The following FUT9 variants were observed in gnomAD, a reference collection of about 807,000 sequenced individuals.
FUT9 encodes the protein 4-galactosyl-N-acetylglucosaminide 3-alpha-L-fucosyltransferase 9.
A neutral mutation model predicts 29.7 loss-of-function variants in FUT9; 15 were observed. That is an observed-to-expected ratio of 0.51 (90% CI 0.34 to 0.78). FUT9 has a LOEUF of 0.78. FUT9 is among the 30% of genes least tolerant of loss of function. The pLI, the probability that FUT9 is intolerant of heterozygous loss-of-function variation, is 0.01. For synonymous variants in FUT9, 169 were observed against 153.7 expected (o/e 1.10, Z -0.74); for missense variants, 319 against 425.4 (o/e 0.75, Z 2.20).
intron 1 of FUT9, among the ~76,000 whole-genome samples, chr6:96,059,555 TGGATCA>T (rs1770836220): frequency 6.6e-6 from 1 of 152,212 alleles, no homozygotes; most frequent in South Asian, 2.1e-4. Flanking sequence ...GACAGAATCC[TGGATCA>T]GGAAAAATAA....
At chr6:96,051,447 T>A (rs1337973465) in intron 1 of FUT9, among the ~76,000 whole-genome samples, 3 of 151,884 alleles carry the variant, frequency 2.0e-5, no homozygotes, top group Non-Finnish European at 4.4e-5. Flanking sequence ...AGCCAAGAGT[T>A]CAAAACCAGC....
intron 2 of FUT9, among the ~76,000 whole-genome samples, chr6:96,189,313 A>G (rs1773462341): frequency 6.6e-6 from 1 of 152,056 alleles, no homozygotes; most frequent in Admixed American, 6.6e-5. Context: ...CTGGTGACAA[A>G]AGCTGTGTCC....
At chr6:96,097,809 T>A (rs749649337) in intron 1 of FUT9, among the ~76,000 whole-genome samples, 1 of 152,186 alleles carries the variant, frequency 6.6e-6, no homozygotes, top group South Asian at 2.1e-4. Context: ...ATTATGTGTC[T>A]GTGAATATAC....
intron 1 of FUT9, among the ~76,000 whole-genome samples, chr6:96,029,818 A>G (rs1411406180): frequency 6.6e-6 from 1 of 151,468 alleles, no homozygotes. Flanking sequence ...GACAATCTGC[A>G]TGAAAGGATG....
chr6:96,139,563 C>G (rs187196647), intron 2 of FUT9, among the ~76,000 whole-genome samples: 1 of 152,214 alleles, frequency 6.6e-6, no homozygotes, highest in African/African-American at 2.4e-5. Context: ...ATCATCCTAG[C>G]AGAGGCTCTC....
intron 2 of FUT9, among the ~76,000 whole-genome samples, chr6:96,170,659 A>G (rs1040442581): frequency 3.3e-5 from 5 of 152,136 alleles, no homozygotes; most frequent in African/African-American, 1.2e-4. Flanking sequence ...TTTTCCTATG[A>G]TATCTTCATA....
chr6:96,121,183 A>G (rs1772020865), intron 2 of FUT9, among the ~76,000 whole-genome samples: 1 of 152,174 alleles, frequency 6.6e-6, no homozygotes, highest in Non-Finnish European at 1.5e-5. Flanking sequence ...ATCAATGTCT[A>G]TGGAAGACTA....
chr6:96,022,874 A>G (rs1328563893), intron 1 of FUT9, among the ~76,000 whole-genome samples: 4 of 151,886 alleles, frequency 2.6e-5, no homozygotes, highest in Admixed American at 2.6e-4. Flanking sequence ...TGGTACGTGT[A>G]TATCCTGTAT....
chr6:96,043,120 C>G (rs1011576011), intron 1 of FUT9, among the ~76,000 whole-genome samples: 1 of 152,132 alleles, frequency 6.6e-6, no homozygotes, highest in Admixed American at 6.5e-5. Context: ...GGCGCGATCT[C>G]GGCTCACTGC....
chr6:96,030,142 A>G (rs1417766971), intron 1 of FUT9, among the ~76,000 whole-genome samples: 3 of 151,654 alleles, frequency 2.0e-5, no homozygotes, highest in Non-Finnish European at 4.4e-5. Context: ...ACAGTTTGAC[A>G]TAAATGATAA....
chr6:96,151,205 T>C (rs1357321198), intron 2 of FUT9, among the ~76,000 whole-genome samples: 1 of 152,216 alleles, frequency 6.6e-6, no homozygotes, highest in Non-Finnish European at 1.5e-5. Flanking sequence ...TGCTTGAGGC[T>C]TTAATTCTTT....
chr6:96,063,696 G>A (rs1316764347), intron 1 of FUT9, among the ~76,000 whole-genome samples: 2 of 152,116 alleles, frequency 1.3e-5, no homozygotes, highest in Admixed American at 6.6e-5. Flanking sequence ...AAGCATTGCA[G>A]GGTCATGGAT....
At chr6:96,048,687 A>C (rs1408524532) in intron 1 of FUT9, among the ~76,000 whole-genome samples, 1 of 152,198 alleles carries the variant, frequency 6.6e-6, no homozygotes, top group Non-Finnish European at 1.5e-5. Flanking sequence ...AGCGAAGAAA[A>C]GAGATCGGCA....
At chr6:96,076,731 GTTTTATGT>G (rs1195639240) in intron 1 of FUT9, among the ~76,000 whole-genome samples, 1 of 152,122 alleles carries the variant, frequency 6.6e-6, no homozygotes, top group Non-Finnish European at 1.5e-5. Flanking sequence ...TTGTAACACT[GTTTTATGT>G]TTGCAGTGTT....
chr6:96,162,911 T>C (rs2127980472), intron 2 of FUT9, among the ~76,000 whole-genome samples: 1 of 152,356 alleles, frequency 6.6e-6, no homozygotes, highest in African/African-American at 2.4e-5. Context: ...TGTTAGGGAA[T>C]GCCTTTCCTG....
chr6:96,081,324 AC>A, intron 1 of FUT9, among the ~76,000 whole-genome samples: 1 of 151,154 alleles, frequency 6.6e-6, no homozygotes, highest in Middle Eastern at 3.4e-3. Flanking sequence ...ACAAACACAC[AC>A]CCTTCTTGGA....
intron 2 of FUT9, among the ~76,000 whole-genome samples, chr6:96,129,061 T>C (rs1471507284): frequency 6.7e-6 from 1 of 148,450 alleles, no homozygotes; most frequent in South Asian, 2.1e-4. Flanking sequence ...ATCGAGACCA[T>C]CTTGGCTAAC....
intron 2 of FUT9, among the ~76,000 whole-genome samples, chr6:96,148,305 A>C (rs953701873): frequency 2.0e-5 from 3 of 152,170 alleles, no homozygotes; most frequent in Non-Finnish European, 4.4e-5. Context: ...AAAGATTGCC[A>C]AAGTCCCTCC....
At chr6:96,105,579 A>T (rs1771663538) in intron 1 of FUT9, among the ~76,000 whole-genome samples, 1 of 152,210 alleles carries the variant, frequency 6.6e-6, no homozygotes, top group South Asian at 2.1e-4. Flanking sequence ...TTGATTTCCC[A>T]AGAGCCTTTT....
Sources: allele counts gnomAD v4.1 joint callset (sites outside exome capture counted in the v4.1 genomes callset), GRCh38; gene constraint gnomAD v4.1.1; transcripts MANE v1.5; gene names NCBI Gene and HGNC (gene_info 2026-07-23, HGNC 2026-07-21).